RNF138: variants seen among roughly 807,000 people sequenced by gnomAD.
RNF138 encodes ring finger protein 138.
A neutral mutation model predicts 31.0 loss-of-function variants in RNF138; 12 were observed. That is an observed-to-expected ratio of 0.39 (90% CI 0.25 to 0.63). RNF138 has a LOEUF of 0.63. Ranked by LOEUF, RNF138 falls within the 20% of genes least tolerant of loss-of-function variation. RNF138 has a pLI of 0.52. For synonymous variants in RNF138, 105 were observed against 99.5 expected (o/e 1.06, Z -0.33); for missense variants, 192 against 300.1 (o/e 0.64, Z 2.66).
At chr18:32,101,946 G>T (rs143693026) in intron 2 of RNF138, among the ~76,000 whole-genome samples, 1 of 152,012 alleles carries the variant, frequency 6.6e-6, no homozygotes, top group African/African-American at 2.4e-5. Flanking sequence ...GCATAATCAC[G>T]GCTTACTGCA....
At chr18:32,100,588 G>A (rs539715514) in intron 2 of RNF138, among the ~76,000 whole-genome samples, 85 of 144,692 alleles carry the variant, frequency 5.9e-4, no homozygotes, top group African/African-American at 1.8e-3. Context: ...CGATTTTCCT[G>A]CCTCAGCCTC....
rs983193080 is a variant in RNF138, at chr18:32,129,027, T to C, written c.670-92T>C. On this transcript the variant is annotated intron_variant, in intron 7 of 7. Coordinates refer to ENST00000261593, the MANE Select transcript of RNF138 (RefSeq NM_016271.5). The stretch of plus-strand genomic sequence containing the variant: ...AGTGTGTGTAATGTGTGTCAAGATG[T>C]GTAATGTGTATCAAGATGTCTAATG... 4.2e-5 allele frequency: 33 copies of C among 793,646 alleles called. No homozygotes were observed. The Admixed American group carries it at 5.3e-4, about 13-fold the overall frequency. The allele number at this position is 793,646 out of a possible 1,614,324, so 49.2% of individuals were successfully genotyped here.
chr18:32,123,657 T>C, intron 5 of RNF138, 83 bp downstream of exon 5: 1 of 974,846 alleles, frequency 1.0e-6, no homozygotes, highest in Admixed American at 2.7e-5. Context: ...TTAAACTTTT[T>C]TTTTTTTTTT....
chr18:32,114,938 GA>G (rs1190258928), intron 4 of RNF138, among the ~76,000 whole-genome samples: 1 of 152,018 alleles, frequency 6.6e-6, no homozygotes, highest in African/African-American at 2.4e-5. Flanking sequence ...TGCCTAGTCT[GA>G]AAAAACTTCA....
At chr18:32,109,217 G>A (rs2040086489) in intron 2 of RNF138, among the ~76,000 whole-genome samples, 2 of 149,436 alleles carry the variant, frequency 1.3e-5, no homozygotes, top group Admixed American at 6.7e-5. Context: ...GCAGTGGCAC[G>A]ATCTCAGCTC....
intron 2 of RNF138, among the ~76,000 whole-genome samples, chr18:32,105,844 T>C (rs772673779): frequency 2.0e-5 from 3 of 152,224 alleles, no homozygotes; most frequent in Admixed American, 2.0e-4. Flanking sequence ...TCAGAACAGA[T>C]AGCTTTCTAT....
chr18:32,093,974 G>A (rs2039757993), intron 2 of RNF138, among the ~76,000 whole-genome samples: 1 of 151,912 alleles, frequency 6.6e-6, no homozygotes, highest in South Asian at 2.1e-4. Flanking sequence ...TTTTTTTTTA[G>A]TAGAGACGGG....
intron 2 of RNF138, among the ~76,000 whole-genome samples, chr18:32,095,171 A>G (rs2039782106): frequency 1.1e-5 from 1 of 87,250 alleles, no homozygotes; most frequent in Non-Finnish European, 2.4e-5. Flanking sequence ...AAATTTTAAA[A>G]ATTATCGTTT....
intron 2 of RNF138, among the ~76,000 whole-genome samples, chr18:32,099,411 A>G (rs2039877271): frequency 6.6e-6 from 1 of 152,036 alleles, no homozygotes; most frequent in African/African-American, 2.4e-5. Context: ...TCTCTATTTT[A>G]TTTTATTTTT....
intron 7 of RNF138, among the ~76,000 whole-genome samples, chr18:32,128,507 C>T (rs562649278): frequency 1.3e-4 from 20 of 152,332 alleles, no homozygotes; most frequent in African/African-American, 4.6e-4. Context: ...CACTGCACTC[C>T]AGCCTGAGTG....
At chr18:32,101,721 T>C (rs2039943830) in intron 2 of RNF138, among the ~76,000 whole-genome samples, 1 of 152,204 alleles carries the variant, frequency 6.6e-6, no homozygotes, top group Admixed American at 6.5e-5. Context: ...AAAATGCCAT[T>C]AGTACTATAA....
rs956063512 is a variant in RNF138 at position 32,092,765 on chromosome 18, C to T, written c.-12C>T. On this transcript the variant is annotated 5_prime_UTR_variant, in exon 2 of 8. Coordinates refer to ENST00000261593, the MANE Select transcript of RNF138 (RefSeq NM_016271.5). Reference sequence around the variant, plus strand: ...CCGCTGTCGCCATCGCCTTGTTTCCCCATCCCCCGCCATGGCCGAGGACCT... The same window carrying T: ...CCGCTGTCGCCATCGCCTTGTTTCCTCATCCCCCGCCATGGCCGAGGACCT... 3.3e-6 allele frequency: 5 copies of T among 1,536,006 alleles called. No homozygotes were observed. Among genetic ancestry groups the T allele is most frequent in the Non-Finnish European group, 4.4e-6 (5 of 1,135,732 alleles).
chr18:32,111,896 A>C lies in RNF138; in HGVS notation c.253A>C (p.Ser85Arg). ...AAATATAATGAGGAAGTTTTCTGGT[A>C]GCTGCAGATGCTGTGCAAAACAGGT... Reference protein sequence around the residue: ...LENIMRKFSGSCRCCAKQIKF... With the variant: ...LENIMRKFSGRCRCCAKQIKF... The change falls in exon 3 of 8, where the codon AGC becomes CGC. Residue 85 changes from serine (S) to arginine (R), a missense_variant. Around this residue, in one of 2 missense-constraint regions of RNF138, gnomAD observed 140 missense variants for 251.7 expected, o/e 0.56. Transcript: ENST00000261593. 6.2e-7 allele frequency: 1 copy of C among 1,613,216 alleles called. No homozygotes were observed. The highest frequency in any genetic ancestry group is 1.7e-4 in the Middle Eastern group (1 of 6,058).
intron 2 of RNF138, among the ~76,000 whole-genome samples, chr18:32,094,506 C>T (rs568336126): frequency 6.6e-6 from 1 of 152,092 alleles, no homozygotes; most frequent in Admixed American, 6.6e-5. Flanking sequence ...TTTGAGGGAT[C>T]CTTTTGCGGT....
chr18:32,095,975 G>C (rs2039797554), intron 2 of RNF138, among the ~76,000 whole-genome samples: 1 of 152,192 alleles, frequency 6.6e-6, no homozygotes, highest in African/African-American at 2.4e-5. Flanking sequence ...CCTTAGGTCA[G>C]CGTTTGTATT....
At chr18:32,129,004 TGTGTGTAATGTGTGTCAAG>T (rs2040429247) in intron 7 of RNF138, 96 bp from the exon 8 acceptor site, 6 of 685,138 alleles carry the variant, frequency 8.8e-6, no homozygotes, top group Non-Finnish European at 1.6e-5. Context: ...CTGTCCTGAG[TGTGTGTAATGTGTGTCAAG>T]ATGTGTAATG....
At chr18:32,110,970 C>T (rs59577480) in intron 2 of RNF138, among the ~76,000 whole-genome samples, 3,114 of 152,108 alleles carry the variant, frequency 0.02, 97 homozygotes, top group African/African-American at 0.07. Flanking sequence ...TTAGTAGAGA[C>T]GAGATTTCAC....
intron 2 of RNF138, among the ~76,000 whole-genome samples, chr18:32,098,342 T>A (rs1438451964): frequency 1.3e-5 from 2 of 151,808 alleles, no homozygotes; most frequent in Non-Finnish European, 2.9e-5. Flanking sequence ...AGAGATGGGG[T>A]CTTGCTTTGT....
intron 4 of RNF138, chr18:32,122,368 G>A (rs930874958): frequency 1.3e-5 from 2 of 152,076 alleles, no homozygotes; most frequent in Non-Finnish European, 2.9e-5. Flanking sequence ...AGTACTCCTT[G>A]TCTTTTTATA....
Sources: allele counts gnomAD v4.1 joint callset (sites outside exome capture counted in the v4.1 genomes callset), GRCh38; gene constraint gnomAD v4.1.1; regional missense constraint gnomAD v4.1.1; transcripts MANE v1.5; gene names NCBI Gene and HGNC (gene_info 2026-07-23, HGNC 2026-07-21).